ZNF138: variants seen among roughly 807,000 people sequenced by gnomAD.
The protein encoded by ZNF138 is zinc finger protein 138 (clone pHZ-32).
In ZNF138, 33 loss-of-function variants were observed where a neutral mutation model predicts 33.0. That is an observed-to-expected ratio of 1.00 (90% CI 0.76 to 1.34). The LOEUF (loss-of-function observed/expected upper bound fraction) is 1.34, where lower values mean the gene tolerates loss of function less well. Among genes scored for constraint, ZNF138 ranks in the 40% most tolerant of loss-of-function variants. The probability of loss-of-function intolerance (pLI) is 0.00; values close to 1 mark genes in which losing one functional copy is unlikely to be tolerated. For missense variants in ZNF138, 360 were observed against 370.8 expected, an observed-to-expected ratio of 0.97 and a Z score of 0.24; for synonymous variants, 139 against 120.4, an observed-to-expected ratio of 1.15 and a Z score of -1.01.
rs1747803793 is a variant in ZNF138, at chr7:64,815,568, T to C, written c.131-8T>C. ...TTAATAAAACAAGTATTGCTATCTC[T>C]AAGCCAGACCTGATTACCTGTCTGG... On this transcript the variant is annotated splice_region_variant and splice_polypyrimidine_tract_variant and intron_variant, in intron 2 of 3. Transcript: ENST00000307355. 6.2e-7 allele frequency: 1 copy of C among 1,609,118 alleles called. No homozygotes were observed. The highest frequency in any genetic ancestry group is 1.1e-5 in the South Asian group (1 of 90,180).
At chr7:64,803,166 A>G (rs1481341742) in intron 1 of ZNF138, among the ~76,000 whole-genome samples, 2 of 151,306 alleles carry the variant, frequency 1.3e-5, no homozygotes, top group African/African-American at 4.9e-5. Context: ...TGTAAATCAT[A>G]TTAACAGCTA....
chr7:64,843,833 T>A, the ZNF138 span, among the ~76,000 whole-genome samples: 1 of 151,820 alleles, frequency 6.6e-6, no homozygotes, highest in Non-Finnish European at 1.5e-5. Context: ...TTTTTTTTAT[T>A]TTTTTGTTTT....
At chr7:64,822,041 C>G (rs956715092) in intron 3 of ZNF138, among the ~76,000 whole-genome samples, 2 of 150,234 alleles carry the variant, frequency 1.3e-5, no homozygotes, top group African/African-American at 5.0e-5. Flanking sequence ...GTCTCTGCCT[C>G]CCGAGTAGCT....
chr7:64,798,799 A>C (rs1322477719), intron 1 of ZNF138, among the ~76,000 whole-genome samples: 2 of 151,044 alleles, frequency 1.3e-5, no homozygotes, highest in African/African-American at 4.9e-5. Flanking sequence ...AAAAAAGGAA[A>C]TTCTTCCTAC....
At chr7:64,843,988 T>C in the ZNF138 span, among the ~76,000 whole-genome samples, 3 of 152,152 alleles carry the variant, frequency 2.0e-5, no homozygotes, top group African/African-American at 7.2e-5. Context: ...CATGCCCAGC[T>C]AATTTTTGTA....
the ZNF138 span, among the ~76,000 whole-genome samples, chr7:64,854,044 A>G: frequency 6.6e-6 from 1 of 152,158 alleles, no homozygotes; most frequent in Non-Finnish European, 1.5e-5. Context: ...CAGAAAAAAA[A>G]AAATAATTAT....
chr7:64,833,874 A>G (rs4639394), downstream of ZNF138, among the ~76,000 whole-genome samples: 150,059 of 152,280 alleles, frequency 0.99, 73,974 homozygotes, highest in East Asian at 1. Context: ...ACAGGCATGT[A>G]CCATCACGCC....
intron 1 of ZNF138, chr7:64,814,152 G>C: frequency 8.6e-7 from 1 of 1,160,922 alleles, no homozygotes. Context: ...TTAGCGGTGA[G>C]CTTGTTAGAA....
At chr7:64,844,879 G>GT in the ZNF138 span, among the ~76,000 whole-genome samples, 1 of 152,170 alleles carries the variant, frequency 6.6e-6, no homozygotes, top group South Asian at 2.1e-4. Context: ...AAGAGACGGG[G>GT]TTTCACCATG....
At chr7:64,833,851 A>AATAGCTGGGACTACAGG, downstream of ZNF138, among the ~76,000 whole-genome samples, 1 of 152,098 alleles carries the variant, frequency 6.6e-6, no homozygotes, top group East Asian at 1.9e-4. Context: ...GGGCCTCCAG[A>AATAGCTGGGACTACAGG]ATAGCTGGGA....
chr7:64,838,298 C>T (rs188291605), downstream of ZNF138, among the ~76,000 whole-genome samples: 51 of 152,270 alleles, frequency 3.3e-4, no homozygotes, highest in African/African-American at 7.7e-4. Context: ...AGTTAGGGCA[C>T]GGGCGTGTTG....
chr7:64,821,056 G>GT (rs1447792064), intron 3 of ZNF138, among the ~76,000 whole-genome samples: 255 of 6,446 alleles, frequency 0.04, 10 homozygotes, highest in Middle Eastern at 0.19. Context: ...TTTTGTTTTT[G>GT]GTTTTTTTGT....
intron 3 of ZNF138, among the ~76,000 whole-genome samples, chr7:64,823,818 G>A (rs536980288): frequency 6.3e-4 from 96 of 152,234 alleles, no homozygotes; most frequent in African/African-American, 2.3e-3. Context: ...CGCGCCTGTA[G>A]TCCCAGCTAC....
downstream of ZNF138, chr7:64,836,498 G>A (rs1421147167): frequency 6.6e-6 from 1 of 152,156 alleles, no homozygotes; most frequent in Non-Finnish European, 1.5e-5. Flanking sequence ...TTAGCTACTG[G>A]ATACATAAAA....
intron 3 of ZNF138, among the ~76,000 whole-genome samples, chr7:64,820,843 C>T (rs151313126): frequency 0.014 from 2,071 of 151,556 alleles, 125 homozygotes; most frequent in African/African-American, 0.047. Flanking sequence ...AGATTACAGG[C>T]GTGAGCCACT....
At chr7:64,834,916 C>G (rs1054792096), downstream of ZNF138, among the ~76,000 whole-genome samples, 1 of 151,910 alleles carries the variant, frequency 6.6e-6, no homozygotes, top group East Asian at 1.9e-4. Flanking sequence ...GGAAGGGCAC[C>G]GTGGATCAAT....
At chr7:64,846,794 A>G in the ZNF138 span, among the ~76,000 whole-genome samples, 1 of 152,182 alleles carries the variant, frequency 6.6e-6, no homozygotes, top group Non-Finnish European at 1.5e-5. Flanking sequence ...TTTCAGTACT[A>G]TGTTGAATGA....
At chr7:64,818,436 C>T (rs1042314444) in intron 3 of ZNF138, among the ~76,000 whole-genome samples, 3 of 151,962 alleles carry the variant, frequency 2.0e-5, no homozygotes, top group African/African-American at 7.2e-5. Flanking sequence ...TTTAAAATAT[C>T]AAAATTATGT....
intron 1 of ZNF138, among the ~76,000 whole-genome samples, chr7:64,798,900 TATGAGCC>T: frequency 6.7e-6 from 1 of 149,660 alleles, no homozygotes; most frequent in Non-Finnish European, 1.5e-5. Context: ...TGCATTGTTC[TATGAGCC>T]TTTTTTTTTT....
Sources: allele counts gnomAD v4.1 joint callset (sites outside exome capture counted in the v4.1 genomes callset), GRCh38; gene constraint gnomAD v4.1.1; transcripts MANE v1.5; gene names NCBI Gene and HGNC (gene_info 2026-07-23, HGNC 2026-07-21).